Variants in CSRNP3 observed in about 807,000 individuals in gnomAD.
CSRNP3 encodes the protein cysteine and serine rich nuclear protein 3.
Under a neutral mutation model 48.0 loss-of-function variants are expected in CSRNP3, and 12 were observed. That is an observed-to-expected ratio of 0.25 (90% CI 0.16 to 0.41). The LOEUF is 0.41. Among genes scored for constraint, CSRNP3 ranks in the 10% least tolerant of loss-of-function variants. The pLI, the probability that CSRNP3 is intolerant of heterozygous loss-of-function variation, is 1.00. For missense variants in CSRNP3, 580 were observed against 724.4 expected, an observed-to-expected ratio of 0.80 and a Z score of 2.29; for synonymous variants, 263 against 269.7, an observed-to-expected ratio of 0.98 and a Z score of 0.24.
At chr2:165,667,017 G>GAGAGGAA (rs1687237123) in intron 5 of CSRNP3, among the ~76,000 whole-genome samples, 6 of 115,356 alleles carry the variant, frequency 5.2e-5, no homozygotes, top group Admixed American at 4.9e-4. Context: ...AAGGAAGGAA[G>GAGAGGAA]GAAAGAGAGA....
chr2:165,504,258 C>T (rs182442247), intron 2 of CSRNP3, among the ~76,000 whole-genome samples: 72 of 152,044 alleles, frequency 4.7e-4, no homozygotes, highest in Admixed American at 4.1e-3. Flanking sequence ...AACCCTCTTG[C>T]GTCTGATCCT....
chr2:165,568,404 GTC>G (rs1294872537), intron 3 of CSRNP3, among the ~76,000 whole-genome samples: 2 of 152,060 alleles, frequency 1.3e-5, no homozygotes, highest in East Asian at 1.9e-4. Context: ...TGTCACCCAA[GTC>G]TCTTCAAAGT....
At chr2:165,654,521 C>G (rs144625317) in intron 4 of CSRNP3, among the ~76,000 whole-genome samples, 1 of 152,326 alleles carries the variant, frequency 6.6e-6, no homozygotes, top group Non-Finnish European at 1.5e-5. Flanking sequence ...TCATAATTCT[C>G]TTACTCTCTA....
At chr2:165,527,770 C>T (rs1034962990) in intron 3 of CSRNP3, among the ~76,000 whole-genome samples, 1 of 152,062 alleles carries the variant, frequency 6.6e-6, no homozygotes, top group African/African-American at 2.4e-5. Context: ...TGGCCAACTA[C>T]TTAAAGTATG....
intron 4 of CSRNP3, among the ~76,000 whole-genome samples, chr2:165,630,577 G>T (rs1338813800): frequency 6.6e-6 from 1 of 152,040 alleles, no homozygotes; most frequent in Non-Finnish European, 1.5e-5. Flanking sequence ...CTCCAGCCTG[G>T]GTCTCCAGGA....
chr2:165,548,633 A>G (rs1215065562), intron 3 of CSRNP3, among the ~76,000 whole-genome samples: 1 of 152,030 alleles, frequency 6.6e-6, no homozygotes, highest in Admixed American at 6.6e-5. Context: ...AGGTCATAAC[A>G]TTTTCTTTTC....
rs113044608 is a variant in CSRNP3, at chr2:165,498,246, A to G, written c.-113+3318A>G. ...CTTGTGATAACGTGAAAATGTTACA[A>G]TGAAAAGTAGGTGAGATGAAGTATG... On this transcript the variant is annotated intron_variant, in intron 2 of 6. Coordinates refer to ENST00000651982, the MANE Select transcript of CSRNP3 (RefSeq NM_001172173.2). 1.3e-5 allele frequency among the ~76,000 whole-genome samples: 2 copies of G among 152,262 alleles called. 1 individual carries two copies. The highest frequency in any genetic ancestry group is 4.8e-5 in the African/African-American group (2 of 41,578).
chr2:165,575,073 C>T (rs1227437128), intron 3 of CSRNP3, among the ~76,000 whole-genome samples: 1 of 152,084 alleles, frequency 6.6e-6, no homozygotes. Flanking sequence ...TTGAATTTAA[C>T]GTGTTCAACT....
intron 3 of CSRNP3, among the ~76,000 whole-genome samples, chr2:165,541,746 T>C (rs1371390364): frequency 6.6e-6 from 1 of 152,122 alleles, no homozygotes; most frequent in African/African-American, 2.4e-5. Context: ...GGTGTCAAGA[T>C]CTGAGCAGTT....
intron 3 of CSRNP3, among the ~76,000 whole-genome samples, chr2:165,531,259 T>C (rs4093877): frequency 0.19 from 29,062 of 152,110 alleles, 3,512 homozygotes; most frequent in East Asian, 0.34. Flanking sequence ...CTTATCTTCC[T>C]ACTCCACCCT....
chr2:165,494,681 C>G (rs549285112), intron 1 of CSRNP3, 78 bp from the exon 2 acceptor site: 4 of 155,364 alleles, frequency 2.6e-5, no homozygotes, highest in Admixed American at 1.3e-4. Flanking sequence ...TACAGCCCCC[C>G]CAAATGACTT....
At position 165,490,884 on chromosome 2, in the gene CSRNP3, C is replaced by T. The variant is rs910207411; in HGVS notation, c.-282-3875C>T. Among the ~76,000 whole-genome samples, 164 of 130,556 alleles carry T rather than the reference C, an allele frequency of 1.3e-3. 6 individuals are homozygous for T. Among genetic ancestry groups the T allele is most frequent in the African/African-American group, 4.5e-3 (155 of 34,432 alleles). The allele number at this position is 130,556 out of a possible 152,430, so 85.6% of individuals were successfully genotyped here. On this transcript the variant is annotated intron_variant, in intron 1 of 6. Transcript: ENST00000651982. ...TAGGCATTACCATTCAGGACATAGG[C>T]GTGGGCAAGGACTTCATGTCCAAAA...
intron 3 of CSRNP3, chr2:165,574,411 G>A: frequency 6.5e-7 from 1 of 1,549,966 alleles, no homozygotes; most frequent in Non-Finnish European, 8.7e-7. Flanking sequence ...GTGTGCCGTA[G>A]TCGTTATATA....
At chr2:165,507,240 A>G (rs1335977055) in intron 2 of CSRNP3, among the ~76,000 whole-genome samples, 1 of 152,134 alleles carries the variant, frequency 6.6e-6, no homozygotes, top group Non-Finnish European at 1.5e-5. Context: ...TATTTTCACT[A>G]TATAGTATAA....
chr2:165,626,137 C>T (rs556629569), intron 4 of CSRNP3, among the ~76,000 whole-genome samples: 42 of 150,710 alleles, frequency 2.8e-4, no homozygotes, highest in African/African-American at 1.0e-3. Flanking sequence ...GCAGGAGAAT[C>T]GCTTGAACTC....
At chr2:165,476,572 G>A (rs181972583) in intron 1 of CSRNP3, among the ~76,000 whole-genome samples, 226 of 152,286 alleles carry the variant, frequency 1.5e-3, no homozygotes, top group African/African-American at 5.0e-3. Context: ...GCAGCATGCC[G>A]GTTTCTAGAA....
Position 165,680,254 on chromosome 2 carries a change from A to C in CSRNP3, c.*501A>C. 6.5e-6 allele frequency: 1 copy of C among 154,172 alleles called. No individual in the cohort carries two copies. Among genetic ancestry groups the C allele is most frequent in the Non-Finnish European group, 1.4e-5 (1 of 69,090 alleles). The allele number at this position is 154,172 out of a possible 1,614,324, so 9.6% of individuals were successfully genotyped here. ...AGTTTAGAAGACATGTTTTGATGAAAATGAACAGCCGCATGTTCATTCAAG... is the reference window on the plus strand; with the variant it reads ...AGTTTAGAAGACATGTTTTGATGAACATGAACAGCCGCATGTTCATTCAAG... On this transcript the variant is annotated 3_prime_UTR_variant, in exon 7 of 7. Coordinates refer to ENST00000651982, the MANE Select transcript of CSRNP3 (RefSeq NM_001172173.2).
chr2:165,490,895 A>G (rs1397447169), intron 1 of CSRNP3, among the ~76,000 whole-genome samples: 1 of 131,476 alleles, frequency 7.6e-6, no homozygotes, highest in Non-Finnish European at 1.6e-5. Context: ...GTGGGCAAGG[A>G]CTTCATGTCC....
At chr2:165,633,667 C>G (rs1348842383) in intron 4 of CSRNP3, among the ~76,000 whole-genome samples, 2 of 152,232 alleles carry the variant, frequency 1.3e-5, no homozygotes, top group African/African-American at 2.4e-5. Context: ...TCAGCTATTA[C>G]ATGTTGAATA....
Sources: gnomAD v4.1 joint callset for allele counts (sites outside exome capture counted in the v4.1 genomes callset) on GRCh38, gnomAD v4.1.1 for gene constraint, MANE v1.5 for transcripts, NCBI Gene and HGNC (gene_info 2026-07-23, HGNC 2026-07-21) for gene names.